RALYL: variants seen among roughly 807,000 people sequenced by gnomAD.
The protein encoded by RALYL is RALY RNA binding protein like.
RALYL carries 29 observed loss-of-function variants against 35.1 expected under a neutral mutation model. The ratio of observed to expected loss-of-function variants is 0.83; its 90% CI spans 0.61 to 1.13. The LOEUF (loss-of-function observed/expected upper bound fraction) is 1.13, where lower values mean the gene tolerates loss of function less well. Ranked by LOEUF, RALYL falls within the 50% of genes most tolerant of loss-of-function variation. The pLI is 0.00. For missense variants in RALYL, 359 were observed against 360.4 expected (o/e 1.00, Z 0.03); for synonymous variants, 120 against 127.6 (o/e 0.94, Z 0.40).
intron 2 of RALYL, among the ~76,000 whole-genome samples, chr8:84,745,500 G>A (rs1808401224): frequency 6.6e-6 from 1 of 152,072 alleles, no homozygotes; most frequent in East Asian, 1.9e-4. Context: ...TGATTGTATT[G>A]TGTAAGTTTG....
At chr8:84,757,024 C>T (rs1339065406) in intron 2 of RALYL, among the ~76,000 whole-genome samples, 1 of 152,026 alleles carries the variant, frequency 6.6e-6, no homozygotes, top group Non-Finnish European at 1.5e-5. Flanking sequence ...ACAGTGATAA[C>T]ATGTGTATTG....
intron 2 of RALYL, among the ~76,000 whole-genome samples, chr8:84,621,059 C>A (rs1034223796): frequency 6.6e-6 from 1 of 152,184 alleles, no homozygotes; most frequent in Non-Finnish European, 1.5e-5. Context: ...TTGTGCCCTG[C>A]CCCCAGAGGT....
chr8:84,802,635 A>G (rs1382589753), intron 3 of RALYL, among the ~76,000 whole-genome samples: 1 of 152,212 alleles, frequency 6.6e-6, no homozygotes, highest in Non-Finnish European at 1.5e-5. Context: ...ATCAATAAAT[A>G]CTACTGCAAA....
intron 2 of RALYL, among the ~76,000 whole-genome samples, chr8:84,536,776 C>G (rs945445747): frequency 1.3e-5 from 2 of 152,160 alleles, no homozygotes; most frequent in African/African-American, 2.4e-5. Flanking sequence ...ATATTGTTAT[C>G]ATAATTTCTT....
intron 1 of RALYL, among the ~76,000 whole-genome samples, chr8:84,485,416 T>C (rs1202993042): frequency 6.6e-6 from 1 of 151,996 alleles, no homozygotes; most frequent in East Asian, 1.9e-4. Context: ...CCCATTTCTA[T>C]TAAAAATGTG....
intron 2 of RALYL, among the ~76,000 whole-genome samples, chr8:84,638,715 T>C (rs900780172): frequency 1.3e-5 from 2 of 150,980 alleles, no homozygotes; most frequent in Non-Finnish European, 3.0e-5. Context: ...ACAGTGGCAA[T>C]AAAATCCTTA....
intron 1 of RALYL, among the ~76,000 whole-genome samples, chr8:84,427,295 C>T (rs868074764): frequency 2.0e-5 from 3 of 152,274 alleles, no homozygotes; most frequent in South Asian, 2.1e-4. Flanking sequence ...CCAGTCCATT[C>T]TCCACACTGC....
intron 7 of RALYL, among the ~76,000 whole-genome samples, chr8:84,879,782 G>A (rs1257802471): frequency 1.3e-5 from 2 of 151,892 alleles, no homozygotes; most frequent in Non-Finnish European, 2.9e-5. Context: ...AAGACATTGA[G>A]TTGTCCTTAG....
At chr8:84,815,834 G>T (rs1827127292) in intron 4 of RALYL, among the ~76,000 whole-genome samples, 1 of 151,870 alleles carries the variant, frequency 6.6e-6, no homozygotes, top group African/African-American at 2.4e-5. Context: ...AGGAGATCCA[G>T]ACCATCCTGG....
chr8:84,685,898 T>C lies in RALYL; in HGVS notation c.257-88681T>C, dbSNP rs150644955. On this transcript the variant is annotated intron_variant, in intron 2 of 8. Coordinates refer to ENST00000521268, the MANE Select transcript of RALYL (RefSeq NM_173848.7). ...TTGCAGCTTGTGAATTATTAGGAAG[T>C]AGGAGGACAGTGAGCTGAAATCAGA... is the stretch of plus-strand genomic sequence containing the variant. Among the ~76,000 whole-genome samples the C allele has an allele frequency of 7.6e-3, 1,156 of 152,200 alleles. 21 individuals are homozygous for C. Among genetic ancestry groups the C allele is most frequent in the African/African-American group, 0.026 (1,076 of 41,532 alleles).
chr8:84,664,717 A>C (rs1276474147), intron 2 of RALYL, among the ~76,000 whole-genome samples: 2 of 152,108 alleles, frequency 1.3e-5, no homozygotes, highest in Non-Finnish European at 2.9e-5. Flanking sequence ...CAGCTTAAGA[A>C]GCTTTTAGGG....
At chr8:84,388,063 A>C (rs564742953) in intron 1 of RALYL, among the ~76,000 whole-genome samples, 2 of 151,972 alleles carry the variant, frequency 1.3e-5, no homozygotes, top group Admixed American at 1.3e-4. Flanking sequence ...TCATTGTTCA[A>C]TTCCCACCTA....
chr8:84,301,364 G>C (rs73296710), intron 1 of RALYL, among the ~76,000 whole-genome samples: 1,847 of 151,890 alleles, frequency 0.012, 52 homozygotes, highest in African/African-American at 0.042. Context: ...ATATTTCTTG[G>C]GAAAGTCATC....
At position 84,663,455 on chromosome 8, in the gene RALYL, C is replaced by G. The variant is rs185695733; in HGVS notation, c.257-111124C>G. 2.2e-3 allele frequency among the ~76,000 whole-genome samples: 340 copies of G among 152,212 alleles called. 2 individuals are homozygous for G. Among genetic ancestry groups the G allele is most frequent in the Non-Finnish European group, 2.2e-3 (150 of 67,990 alleles). On this transcript the variant is annotated intron_variant, in intron 2 of 8. Transcript: ENST00000521268. ...TTACACTCCCACCAACAAAAGTGTT[C>G]CTTTTTCTCCACAACCTCACCAGCA...
At chr8:84,440,887 A>G (rs983839029) in intron 1 of RALYL, among the ~76,000 whole-genome samples, 4 of 152,002 alleles carry the variant, frequency 2.6e-5, no homozygotes, top group African/African-American at 9.7e-5. Context: ...AATCTCTACA[A>G]GAGGGATTTC....
rs541470477 is a variant in RALYL at position 84,411,976 on chromosome 8, AAAG to A, written c.-23-117313_-23-117311del. 3.6e-3 allele frequency among the ~76,000 whole-genome samples: 549 copies of A among 152,060 alleles called. 4 individuals are homozygous for A. Among genetic ancestry groups the A allele is most frequent in the African/African-American group, 0.012 (517 of 41,544 alleles). ...TTAAAAAAATTATCTCTAGTACAGT[AAAG>A]AAGAAGAAGTATGATAATATACACA... On this transcript the variant is annotated intron_variant, in intron 1 of 8. Transcript: ENST00000521268.
intron 4 of RALYL, among the ~76,000 whole-genome samples, chr8:84,823,812 A>ATAT (rs1295745962): frequency 1.3e-5 from 2 of 151,578 alleles, no homozygotes; most frequent in Admixed American, 1.3e-4. Context: ...CAGCTTCTCT[A>ATAT]TATTTTTTCT....
chr8:84,295,014 G>T (rs75940654), intron 1 of RALYL, among the ~76,000 whole-genome samples: 2,661 of 152,122 alleles, frequency 0.017, 72 homozygotes, highest in Non-Finnish European at 0.022. Flanking sequence ...GAGTTCTATT[G>T]TCACGTATGA....
At chr8:84,754,536 C>T (rs989632987) in intron 2 of RALYL, among the ~76,000 whole-genome samples, 1 of 152,192 alleles carries the variant, frequency 6.6e-6, no homozygotes. Flanking sequence ...AATGGTGGAA[C>T]TGACTATCAG....
Sources: allele counts gnomAD v4.1 joint callset (sites outside exome capture counted in the v4.1 genomes callset), GRCh38; gene constraint gnomAD v4.1.1; transcripts MANE v1.5; gene names NCBI Gene and HGNC (gene_info 2026-07-23, HGNC 2026-07-21).